The following POLN variants were observed in gnomAD, a reference collection of about 807,000 sequenced individuals.
POLN encodes the protein DNA polymerase N.
Under a neutral mutation model 113.5 loss-of-function variants are expected in POLN, and 108 were observed. That is an observed-to-expected ratio of 0.95 (90% CI 0.81 to 1.12). The LOEUF is 1.12. Among genes scored for constraint, POLN ranks in the 50% most tolerant of loss-of-function variants. POLN has a pLI of 0.00. For missense variants in POLN, 1,097 were observed against 1,077.1 expected (o/e 1.02, Z -0.26); for synonymous variants, 386 against 391.5 (o/e 0.99, Z 0.17).
chr4:2,210,669 TC>T (rs1194711371), intron 4 of POLN, among the ~76,000 whole-genome samples: 1 of 148,402 alleles, frequency 6.7e-6, no homozygotes, highest in Non-Finnish European at 1.5e-5. Flanking sequence ...ACGCCTGTAA[TC>T]CCACTATTTT....
At chr4:2,125,142 AAC>A (rs1731548024) in intron 19 of POLN, among the ~76,000 whole-genome samples, 1 of 152,102 alleles carries the variant, frequency 6.6e-6, no homozygotes, top group African/African-American at 2.4e-5. Context: ...AAATAAAAGG[AAC>A]ATGGATGAAG....
At chr4:2,108,657 T>C (rs1731124840) in intron 19 of POLN, among the ~76,000 whole-genome samples, 1 of 152,138 alleles carries the variant, frequency 6.6e-6, no homozygotes, top group African/African-American at 2.4e-5. Flanking sequence ...TAGGGTAATT[T>C]TGTCACAGTT....
chr4:2,239,911 T>C, intron 2 of POLN: 1 of 738,370 alleles, frequency 1.4e-6, no homozygotes, highest in Non-Finnish European at 2.2e-6. Flanking sequence ...AAATAAGCAC[T>C]GAACAAAGAA....
chr4:2,213,276 T>A (rs867965801), intron 3 of POLN, 150 bp from the exon 4 acceptor site: 2 of 480,832 alleles, frequency 4.2e-6, no homozygotes, highest in Middle Eastern at 8.8e-4. Flanking sequence ...AATTCACAAG[T>A]AAAATGCTTA....
intron 19 of POLN, among the ~76,000 whole-genome samples, chr4:2,099,223 C>A (rs1034018448): frequency 6.6e-6 from 1 of 152,200 alleles, no homozygotes; most frequent in Non-Finnish European, 1.5e-5. Flanking sequence ...TAATTAGAGG[C>A]TATGCTTAGT....
At chr4:2,080,146 C>T (rs1375323117) in intron 23 of POLN, 4 of 985,468 alleles carry the variant, frequency 4.1e-6, no homozygotes, top group Admixed American at 6.1e-5. Flanking sequence ...GAAGGGGCTC[C>T]GGGACTCCTG....
chr4:2,193,385 T>C (rs766312251), intron 6 of POLN, 69 bp from the exon 7 acceptor site: 1 of 992,650 alleles, frequency 1.0e-6, no homozygotes, highest in Non-Finnish European at 1.5e-6. Context: ...AAAAATATTA[T>C]TACTACTCAA....
chr4:2,241,853 G>A lies in POLN; in HGVS notation c.-283-63C>T, dbSNP rs965514891. 1.1e-5 allele frequency: 11 copies of A among 985,438 alleles called. No individual in the cohort carries two copies. The African/African-American group carries it at 1.7e-4, about 16-fold the overall frequency. The allele number at this position is 985,438 out of a possible 1,614,324, so 61.0% of individuals were successfully genotyped here. A position where few individuals can be genotyped will look rare whatever the true frequency, so the allele number is the denominator to read the frequency against. ...CGACACCGAGCTGCAGAAGACGGGG[G>A]TGACAGGCCCCGCACAGCCCCCGCC... is the stretch of plus-strand genomic sequence containing the variant. On this transcript the variant is annotated intron_variant, in intron 1 of 25. Transcript: ENST00000511885.
In POLN at chr4:2,187,126, T is replaced by C. The variant is rs183138874; in HGVS notation, c.1021+6078A>G. Among the ~76,000 whole-genome samples the C allele has an allele frequency of 2.0e-3, 301 of 152,136 alleles. 2 individuals are homozygous for C. Among genetic ancestry groups the C allele is most frequent in the African/African-American group, 6.0e-3 (248 of 41,510 alleles). On this transcript the variant is annotated intron_variant, in intron 7 of 25. Coordinates refer to ENST00000511885, the MANE Select transcript of POLN (RefSeq NM_181808.4). Reference sequence around the variant, plus strand: ...CACCTATAAGATATAGAAAATTGCCTCAAAAGAGCAAATCTAAGAATTAGT... The same window carrying C: ...CACCTATAAGATATAGAAAATTGCCCCAAAAGAGCAAATCTAAGAATTAGT...
rs764125761 is a variant in POLN, at chr4:2,208,365, C to T, written c.336G>A (p.Leu112=). The T allele has an allele frequency of 1.7e-5, 28 of 1,613,542 alleles. No individual in the cohort carries two copies. Among genetic ancestry groups the T allele is most frequent in the Non-Finnish European group, 5.9e-6 (7 of 1,179,950 alleles). The change falls in exon 5 of 26, where the codon TTG becomes TTA. Residue 112 remains leucine, a synonymous_variant. Transcript: ENST00000511885. ...GTGGAATTAAACAACTTGAAAGAGT[C>T]AATGAGCTGATGCTCTTCTGTTTTT... ...ADQKQKSISS[L]TLSSCLIPQY...
chr4:2,188,616 C>CA (rs1560087370), intron 7 of POLN, among the ~76,000 whole-genome samples: 3 of 90,894 alleles, frequency 3.3e-5, no homozygotes, highest in African/African-American at 3.0e-4. Flanking sequence ...AAACAAAAAA[C>CA]AAAAAAACAA....
intron 16 of POLN, among the ~76,000 whole-genome samples, chr4:2,154,163 A>G (rs1249968804): frequency 1.6e-5 from 2 of 128,314 alleles, no homozygotes; most frequent in Non-Finnish European, 3.1e-5. Flanking sequence ...ACGCCACTGC[A>G]CTCCAGCCTG....
chr4:2,089,519 T>A, intron 20 of POLN: 1 of 1,292,022 alleles, frequency 7.7e-7, no homozygotes, highest in Admixed American at 2.4e-5. Context: ...AACTGCAAAT[T>A]ATCATTTTTA....
intron 1 of POLN, 74 bp downstream of exon 1, chr4:2,241,977 G>C (rs1387772839): frequency 1.0e-6 from 1 of 985,420 alleles, no homozygotes; most frequent in Non-Finnish European, 1.2e-6. Flanking sequence ...GAGGCACCTG[G>C]GTGCAGACGG....
At chr4:2,196,505 G>T (rs987566219) in intron 6 of POLN, among the ~76,000 whole-genome samples, 7 of 152,098 alleles carry the variant, frequency 4.6e-5, no homozygotes, top group African/African-American at 1.7e-4. Context: ...AAAAACTAGG[G>T]ACATGGCCAC....
At chr4:2,176,184 A>G (rs1732990606) in intron 9 of POLN, 82 bp downstream of exon 9, 1 of 1,130,772 alleles carries the variant, frequency 8.8e-7, no homozygotes. Context: ...TTCACATTCA[A>G]ACTCCCTGGG....
chr4:2,210,627 T>TA (rs1180444401), intron 4 of POLN, among the ~76,000 whole-genome samples: 3 of 110,100 alleles, frequency 2.7e-5, no homozygotes, highest in Non-Finnish European at 5.1e-5. Flanking sequence ...ATAATAATAA[T>TA]AATAAAAAAA....
intron 9 of POLN, 68 bp downstream of exon 9, chr4:2,176,198 G>T: frequency 1.6e-6 from 2 of 1,261,228 alleles, no homozygotes; most frequent in Non-Finnish European, 2.3e-6. Context: ...CCCTGGGAGT[G>T]CGGGTGCCAA....
Position 2,096,040 on chromosome 4 carries a change from T to C in POLN, c.1983-107A>G, listed in dbSNP as rs929970299. 7 of 947,516 alleles carry C rather than the reference T, an allele frequency of 7.4e-6. No homozygotes were observed. The African/African-American group carries it at 8.0e-5, about 11-fold the overall frequency. The allele number at this position is 947,516 out of a possible 1,614,324, so 58.7% of individuals were successfully genotyped here. ...CACTGTGCTTCCTCTGGAAATTCCT[T>C]ATGCTTTCATGGTGGCCGGCACACT... On this transcript the variant is annotated intron_variant, in intron 19 of 25. Coordinates refer to ENST00000511885, the MANE Select transcript of POLN (RefSeq NM_181808.4).
Sources: allele counts gnomAD v4.1 joint callset (sites outside exome capture counted in the v4.1 genomes callset), GRCh38; gene constraint gnomAD v4.1.1; transcripts MANE v1.5; gene names NCBI Gene and HGNC (gene_info 2026-07-23, HGNC 2026-07-21).